POLR3A: variants seen among roughly 807,000 people sequenced by gnomAD.
POLR3A encodes the protein DNA-directed RNA polymerase III subunit RPC1.
POLR3A carries 112 observed loss-of-function variants against 152.8 expected under a neutral mutation model. The observed-to-expected ratio is 0.73, with a 90% CI of 0.63 to 0.86. POLR3A has a LOEUF of 0.86. Among genes scored for constraint, POLR3A ranks in the 40% least tolerant of loss-of-function variants. POLR3A has a pLI of 0.00. For synonymous variants in POLR3A, 615 were observed against 652.1 expected (o/e 0.94, Z 0.87); for missense variants, 1,385 against 1,743.1 (o/e 0.79, Z 3.66).
rs149947394 is a variant in POLR3A at position 78,005,265 on chromosome 10, G to A, written c.2075-377C>T. On this transcript the variant is annotated intron_variant, in intron 15 of 30. Coordinates refer to ENST00000372371, the MANE Select transcript of POLR3A (RefSeq NM_007055.4). The stretch of plus-strand genomic sequence containing the variant: ...TAATCCCAGCACTTTGGAAGGCTGA[G>A]GCAGGAGGCTCGCTTGATCCCAGAT... 4.0e-3 allele frequency among the ~76,000 whole-genome samples: 603 copies of A among 152,334 alleles called. 3 individuals are homozygous for A. Among genetic ancestry groups the A allele is most frequent in the African/African-American group, 0.012 (490 of 41,592 alleles).
rs1489977337 is a variant in POLR3A, at chr10:78,022,868, T to C, written c.646-484A>G. ...ATAAAAAAGGTCCATAAAATATTGG[T>C]AGCTGGAGGCTGGGCGTAGTGGCTC... On this transcript the variant is annotated intron_variant, in intron 5 of 30. Coordinates refer to ENST00000372371, the MANE Select transcript of POLR3A (RefSeq NM_007055.4). Among the ~76,000 whole-genome samples, 5 of 152,234 alleles carry C rather than the reference T, an allele frequency of 3.3e-5. 1 individual carries two copies. The highest frequency in any genetic ancestry group is 3.3e-4 in the Admixed American group (5 of 15,268).
chr10:78,008,669 C>T (rs923744295), intron 14 of POLR3A, among the ~76,000 whole-genome samples: 2 of 152,116 alleles, frequency 1.3e-5, no homozygotes, highest in African/African-American at 2.4e-5. Flanking sequence ...CTGTGGACTG[C>T]ACTTCGGGTT....
chr10:78,008,234 T>C (rs905132020), intron 14 of POLR3A, among the ~76,000 whole-genome samples: 2 of 152,184 alleles, frequency 1.3e-5, no homozygotes, highest in African/African-American at 4.8e-5. Context: ...CTATAAATAA[T>C]TTGTTACTCA....
chr10:77,979,417 CT>C (rs1375752436), intron 30 of POLR3A, among the ~76,000 whole-genome samples: 2 of 152,220 alleles, frequency 1.3e-5, no homozygotes, highest in Non-Finnish European at 2.9e-5. Context: ...CAGGGTCTTC[CT>C]GCGGAATCAG....
At chr10:78,020,834 C>T (rs1034800906) in intron 8 of POLR3A, among the ~76,000 whole-genome samples, 5 of 151,942 alleles carry the variant, frequency 3.3e-5, no homozygotes, top group Non-Finnish European at 5.9e-5. Flanking sequence ...GTAGCAATAG[C>T]CTTAAAATGT....
chr10:78,002,312 G>C lies in POLR3A; in HGVS notation c.2248-4C>G. The C allele has an allele frequency of 1.9e-6, 3 of 1,570,874 alleles. No homozygotes were observed. The highest frequency in any genetic ancestry group is 1.2e-5 in the South Asian group (1 of 86,410). Reference sequence around the variant, plus strand: ...ACAGCTCCTTCAGGATCAGTGCCTAGTGGGAGAAAAGGAGATCCTTGGTGG... The same window carrying C: ...ACAGCTCCTTCAGGATCAGTGCCTACTGGGAGAAAAGGAGATCCTTGGTGG... On this transcript the variant is annotated splice_region_variant and splice_polypyrimidine_tract_variant and intron_variant, in intron 16 of 30. Transcript: ENST00000372371.
At chr10:78,015,376 G>A (rs1847513026) in intron 10 of POLR3A, among the ~76,000 whole-genome samples, 1 of 152,154 alleles carries the variant, frequency 6.6e-6, no homozygotes, top group South Asian at 2.1e-4. Flanking sequence ...TGCCTAGGCT[G>A]GAGTGCAGTG....
At chr10:78,022,467 C>G (rs183369576) in intron 5 of POLR3A, 83 bp from the exon 6 acceptor site, 156 of 1,388,806 alleles carry the variant, frequency 1.1e-4, no homozygotes, top group Admixed American at 8.1e-4. Flanking sequence ...ACTATGTTTT[C>G]TAACCTATCT....
intron 8 of POLR3A, chr10:78,020,150 G>A (rs537507904): frequency 2.0e-5 from 3 of 148,138 alleles, no homozygotes; most frequent in African/African-American, 7.6e-5. Context: ...CTCTAGCCTG[G>A]GCAATAGAGT....
intron 5 of POLR3A, among the ~76,000 whole-genome samples, 172 bp downstream of exon 5, chr10:78,024,370 CAAAAAAA>C (rs59548771): frequency 1.5e-5 from 1 of 67,586 alleles, no homozygotes; most frequent in Non-Finnish European, 3.7e-5. Flanking sequence ...TCTTCCATCT[CAAAAAAA>C]AAAAAAAAAA....
Position 78,013,118 on chromosome 10 carries a change from CA to C in POLR3A, c.1572+531del, listed in dbSNP as rs796725451. ...CAGCATCTACTGGGCACTCCTTATG[CA>C]TTTGTCAAATAAAGTGGTGGTAAGA... is the stretch of plus-strand genomic sequence containing the variant. On this transcript the variant is annotated intron_variant, in intron 11 of 30. Transcript: ENST00000372371. 1.7e-4 allele frequency: 32 copies of C among 184,108 alleles called. 1 individual carries two copies. The highest frequency in any genetic ancestry group is 7.4e-4 in the African/African-American group (31 of 41,750). The allele number at this position is 184,108 out of a possible 1,614,324, so 11.4% of individuals were successfully genotyped here.
Position 78,021,848 on chromosome 10 carries a change from TG to T in POLR3A, c.1048+11del, listed in dbSNP as rs1847582709. 6.2e-7 allele frequency: 1 copy of T among 1,613,142 alleles called. No homozygotes were observed. Among genetic ancestry groups the T allele is most frequent in the African/African-American group, 1.3e-5 (1 of 74,902 alleles). ...AGTGGGCTGGCTTCTGCACATCTTG[TG>T]GGAAACCTACCCTGTTTTCCCTTCA... On this transcript the variant is annotated intron_variant, in intron 7 of 30. Coordinates refer to ENST00000372371, the MANE Select transcript of POLR3A (RefSeq NM_007055.4).
At chr10:78,014,710 TAAAAAA>T (rs796744295) in intron 10 of POLR3A, among the ~76,000 whole-genome samples, 6 of 147,864 alleles carry the variant, frequency 4.1e-5, no homozygotes, top group Non-Finnish European at 7.5e-5. Context: ...GCCCTTTCTT[TAAAAAA>T]AAAAAAATTT....
chr10:78,009,949 G>A lies in POLR3A; in HGVS notation c.1685C>T (p.Ala562Val), dbSNP rs763499002. The change falls in exon 13 of 31, where the codon GCC becomes GTC. Residue 562 changes from alanine to valine, a missense_variant. Physicochemically the swap from Ala to Val is moderately conservative, Grantham distance 64. Coordinates refer to ENST00000372371, the MANE Select transcript of POLR3A (RefSeq NM_007055.4). ...TGAAGCAATGATTTGGCAAGCCTTG[G>A]CTCGATCAAAGAAAGTGTCCTTGAG... ...LTLKDTFFDR[A>V]KACQIIASIL... 3.7e-6 allele frequency: 6 copies of A among 1,614,172 alleles called. No individual in the cohort carries two copies. In the South Asian group the frequency reaches 6.6e-5, roughly 18 times the overall value.
Position 77,981,705 on chromosome 10 carries a change from C to T in POLR3A, c.3760-146G>A, listed in dbSNP as rs1176171861. ...TTGCTGGGCAATTTTCAGTTGCAGA[C>T]CCACGGCAAATGGGATGGTCAGAGA... On this transcript the variant is annotated intron_variant, in intron 28 of 30. Coordinates refer to ENST00000372371, the MANE Select transcript of POLR3A (RefSeq NM_007055.4). 4 of 985,298 alleles carry T rather than the reference C, an allele frequency of 4.1e-6. No homozygotes were observed. In the African/African-American group the frequency reaches 6.4e-5, roughly 16 times the overall value. The allele number at this position is 985,298 out of a possible 1,614,324, so 61.0% of individuals were successfully genotyped here.
Position 77,986,138 on chromosome 10 carries a change from C to T in POLR3A, c.2923G>A (p.Gly975Arg), listed in dbSNP as rs1275687948. Reference protein sequence around the residue: ...FLQEIKKFIKGVSEKIKKTRD... With the variant: ...FLQEIKKFIKRVSEKIKKTRD... ...GTTTTCTTGATCTTCTCAGAGACCC[C>T]CTTAATGAATTTTTTTATTTCCTGA... Residue 975 changes from glycine (G) to arginine (R), a missense_variant, in exon 22 of 31, where the codon GGG becomes AGG. Physicochemically the swap from Gly to Arg is moderately radical, Grantham distance 125. Coordinates refer to ENST00000372371, the MANE Select transcript of POLR3A (RefSeq NM_007055.4). 6.4e-7 allele frequency: 1 copy of T among 1,572,620 alleles called. No individual in the cohort carries two copies. Among genetic ancestry groups the T allele is most frequent in the South Asian group, 1.1e-5 (1 of 90,224 alleles).
In POLR3A at chr10:78,018,959, A is replaced by T. The variant is rs147412540; in HGVS notation, c.1289+203T>A. Among the ~76,000 whole-genome samples, 609 of 152,310 alleles carry T rather than the reference A, an allele frequency of 4.0e-3. 3 individuals carry two copies. Among genetic ancestry groups the T allele is most frequent in the African/African-American group, 0.012 (493 of 41,570 alleles). On this transcript the variant is annotated intron_variant, in intron 9 of 30. Coordinates refer to ENST00000372371, the MANE Select transcript of POLR3A (RefSeq NM_007055.4). ...GATCCAATAACATTACAAGCCTGAG[A>T]ACAAAGGAGCACTTCATGTATATTC...
chr10:78,000,294 G>C (rs765105828), intron 18 of POLR3A, among the ~76,000 whole-genome samples, 176 bp from the exon 19 acceptor site: 64 of 152,278 alleles, frequency 4.2e-4, no homozygotes, highest in Non-Finnish European at 8.2e-4. Context: ...CTTTATACCA[G>C]GGACAAGGAG....
chr10:78,005,210 C>T (rs1170605409), intron 15 of POLR3A, among the ~76,000 whole-genome samples: 1 of 152,196 alleles, frequency 6.6e-6, no homozygotes, highest in African/African-American at 2.4e-5. Flanking sequence ...AAAGGGTGGC[C>T]TGAGGGCTGG....
Sources: gnomAD v4.1 joint callset for allele counts (sites outside exome capture counted in the v4.1 genomes callset) on GRCh38, gnomAD v4.1.1 for gene constraint, MANE v1.5 for transcripts, NCBI Gene and HGNC (gene_info 2026-07-23, HGNC 2026-07-21) for gene names.